Variants in KCND3 observed in about 807,000 individuals in gnomAD.
KCND3 encodes potassium voltage-gated channel subfamily D member 3.
A neutral mutation model predicts 51.1 loss-of-function variants in KCND3; 9 were observed. The observed-to-expected ratio is 0.18, with a 90% CI of 0.11 to 0.31. KCND3 has a LOEUF of 0.31. Among genes scored for constraint, KCND3 ranks in the 10% least tolerant of loss-of-function variants. The pLI is 1.00. For synonymous variants in KCND3, 349 were observed against 368.0 expected (o/e 0.95, Z 0.59); for missense variants, 526 against 903.8 (o/e 0.58, Z 5.36).
At chr1:111,971,818 C>T (rs1254717594) in intron 2 of KCND3, among the ~76,000 whole-genome samples, 2 of 152,178 alleles carry the variant, frequency 1.3e-5, no homozygotes, top group African/African-American at 4.8e-5. Flanking sequence ...AACTCCACAC[C>T]TCTACTCATC....
intron 2 of KCND3, among the ~76,000 whole-genome samples, chr1:111,974,958 CT>C (rs1465054571): frequency 6.6e-6 from 1 of 152,342 alleles, no homozygotes; most frequent in East Asian, 1.9e-4. Flanking sequence ...ACCCAAAAGG[CT>C]CAAATCCTAT....
chr1:111,833,570 G>C (rs1361211881), intron 2 of KCND3, among the ~76,000 whole-genome samples: 1 of 152,208 alleles, frequency 6.6e-6, no homozygotes, highest in Non-Finnish European at 1.5e-5. Context: ...AAGCCAGCCA[G>C]AATTTGTTGG....
chr1:111,961,967 G>A (rs1322052855), intron 2 of KCND3, among the ~76,000 whole-genome samples: 1 of 152,116 alleles, frequency 6.6e-6, no homozygotes, highest in Non-Finnish European at 1.5e-5. Flanking sequence ...GGCCCGAGTT[G>A]CTGGCACGCC....
chr1:111,882,591 G>A (rs1669383431), intron 2 of KCND3, among the ~76,000 whole-genome samples: 1 of 152,236 alleles, frequency 6.6e-6, no homozygotes. Context: ...CAGGCCCTGA[G>A]GTGCACTGAG....
chr1:111,982,593 T>C lies in KCND3; in HGVS notation c.134A>G (p.Asn45Ser). 2 of 1,613,674 alleles carry C rather than the reference T, an allele frequency of 1.2e-6. No homozygotes were observed. Among genetic ancestry groups the C allele is most frequent in the East Asian group, 2.2e-5 (1 of 44,838 alleles). Reference protein sequence around the residue: ...NKRQDELIVLNVSGRRFQTWR... With the variant: ...NKRQDELIVLSVSGRRFQTWR... The stretch of plus-strand genomic sequence containing the variant: ...GGTCTGGAACCTCCGCCCACTCACG[T>C]TGAGGACAATCAGCTCATCCTGCCG... The change falls in exon 2 of 8, where the codon AAC (asparagine) becomes AGC (serine). Residue 45 changes from asparagine (N) to serine (S), a missense_variant. Physicochemically the swap from Asn to Ser is conservative, Grantham distance 46. Around this residue, in one of 5 missense-constraint regions of KCND3, gnomAD observed 159 missense variants for 262.8 expected, o/e 0.61. Transcript: ENST00000302127. This position sits in a 1 kb window ranked among gnomAD's most constrained non-coding sequence, Gnocchi z 8.5.
intron 2 of KCND3, among the ~76,000 whole-genome samples, chr1:111,914,283 A>AAC (rs796346494): frequency 4.0e-5 from 6 of 151,830 alleles, no homozygotes; most frequent in African/African-American, 1.4e-4. Flanking sequence ...AAAAAAAAAA[A>AAC]AAACCCATAG....
rs5777080 is a variant in KCND3 at position 111,773,425 on chromosome 1, C to CT, written c.*2651dup. The CT allele has an allele frequency of 0.82, 101,711 of 124,456 alleles. 41,726 individuals carry two copies. Among genetic ancestry groups the CT allele is most frequent in the East Asian group, 0.95 (4,224 of 4,434 alleles). The allele number at this position is 124,456 out of a possible 1,614,324, so 7.7% of individuals were successfully genotyped here. A position where few individuals can be genotyped will look rare whatever the true frequency, so the allele number is the denominator to read the frequency against. ...TTTACCTCCTTTTTTTTTTTCTTTTCTTTTTTTTTTTTTTGAGACGGAGTC... is the reference window on the plus strand; with the variant it reads ...TTTACCTCCTTTTTTTTTTTCTTTTCTTTTTTTTTTTTTTTGAGACGGAGTC... On this transcript the variant is annotated 3_prime_UTR_variant, in exon 8 of 8. Transcript: ENST00000302127.
rs540743458 is a variant in KCND3 at position 111,775,131 on chromosome 1, T to C, written c.*946A>G. 251 of 152,352 alleles carry C rather than the reference T, an allele frequency of 1.6e-3. 2 individuals are homozygous for C. Among genetic ancestry groups the C allele is most frequent in the African/African-American group, 5.9e-3 (247 of 41,556 alleles). The allele number at this position is 152,352 out of a possible 1,614,324, so 9.4% of individuals were successfully genotyped here. ...CTTACCCCTAAACTCTCCCAATTTTTGCTTCACTCTTTCCTCCTCTGCAGT... is the reference window on the plus strand; with the variant it reads ...CTTACCCCTAAACTCTCCCAATTTTCGCTTCACTCTTTCCTCCTCTGCAGT... On this transcript the variant is annotated 3_prime_UTR_variant, in exon 8 of 8. Transcript: ENST00000302127.
chr1:111,776,608 A>G (rs1265035493), intron 7 of KCND3, among the ~76,000 whole-genome samples: 1 of 152,102 alleles, frequency 6.6e-6, no homozygotes, highest in African/African-American at 2.4e-5. Context: ...CCTAAATATA[A>G]GCAGAGGGGG....
At chr1:111,829,854 C>T (rs922930422) in intron 2 of KCND3, among the ~76,000 whole-genome samples, 2 of 152,198 alleles carry the variant, frequency 1.3e-5, no homozygotes, top group Admixed American at 6.5e-5. Flanking sequence ...ACAGTAGACC[C>T]GACTGCCTGA....
intron 2 of KCND3, among the ~76,000 whole-genome samples, chr1:111,966,117 A>C (rs879531815): frequency 5.3e-5 from 8 of 152,124 alleles, no homozygotes; most frequent in Non-Finnish European, 1.2e-4. Flanking sequence ...CCCTCTGCAC[A>C]CTGGAAGGAA....
intron 1 of KCND3, among the ~76,000 whole-genome samples, chr1:111,986,306 A>C (rs893393757): frequency 6.6e-6 from 1 of 152,242 alleles, no homozygotes; most frequent in Non-Finnish European, 1.5e-5. Context: ...GTTACAGGTA[A>C]GGAGAAGGAA....
intron 2 of KCND3, among the ~76,000 whole-genome samples, chr1:111,948,923 A>C (rs568750826): frequency 6.6e-6 from 1 of 152,104 alleles, no homozygotes; most frequent in Non-Finnish European, 1.5e-5. Context: ...AAGAACACAA[A>C]CAATAGAAGG....
chr1:111,786,930 C>A lies in KCND3; in HGVS notation c.1269+14G>T, dbSNP rs369047161. On this transcript the variant is annotated intron_variant, in intron 3 of 7. Transcript: ENST00000302127. Reference sequence around the variant, plus strand: ...CCTTTACACTGCCCCCGCTTCCCTGCGTCTGAGGCTTACCTTTTGTGCCCT... The same window carrying A: ...CCTTTACACTGCCCCCGCTTCCCTGAGTCTGAGGCTTACCTTTTGTGCCCT... 7 of 1,613,904 alleles carry A rather than the reference C, an allele frequency of 4.3e-6. No individual in the cohort carries two copies. The highest frequency in any genetic ancestry group is 1.3e-5 in the African/African-American group (1 of 75,032).
intron 2 of KCND3, among the ~76,000 whole-genome samples, chr1:111,853,443 G>A (rs982312004): frequency 2.6e-5 from 4 of 152,090 alleles, no homozygotes; most frequent in Non-Finnish European, 4.4e-5. Context: ...ACAATCTGGG[G>A]GGAATCTCCT....
intron 2 of KCND3, among the ~76,000 whole-genome samples, chr1:111,916,688 A>G (rs1043053685): frequency 6.6e-6 from 1 of 152,214 alleles, no homozygotes; most frequent in African/African-American, 2.4e-5. Flanking sequence ...AAGATCACCA[A>G]TACAAGACAT....
At chr1:111,796,897 T>TTTGCTGTGGC (rs1665079077) in intron 2 of KCND3, among the ~76,000 whole-genome samples, 2 of 152,138 alleles carry the variant, frequency 1.3e-5, no homozygotes, top group Non-Finnish European at 2.9e-5. Flanking sequence ...ATTGCTGTGG[T>TTTGCTGTGGC]TTGCTGTGGC....
intron 2 of KCND3, among the ~76,000 whole-genome samples, chr1:111,971,007 G>A (rs936281659): frequency 2.6e-5 from 4 of 152,106 alleles, no homozygotes; most frequent in Non-Finnish European, 5.9e-5. Flanking sequence ...TTTCTCCAAG[G>A]GAAAGGAAGG....
intron 2 of KCND3, among the ~76,000 whole-genome samples, chr1:111,937,668 A>C (rs1037692128): frequency 6.6e-6 from 1 of 152,192 alleles, no homozygotes; most frequent in Non-Finnish European, 1.5e-5. Flanking sequence ...GGACGAGGCC[A>C]GGGCATAAAG....
Sources: allele counts gnomAD v4.1 joint callset (sites outside exome capture counted in the v4.1 genomes callset), GRCh38; gene constraint gnomAD v4.1.1; regional missense constraint gnomAD v4.1.1; non-coding constraint Gnocchi (gnomAD v3.1); transcripts MANE v1.5; gene names NCBI Gene and HGNC (gene_info 2026-07-23, HGNC 2026-07-21).